Variants in CSTPP1 observed in about 807,000 individuals in gnomAD.
CSTPP1 encodes centriolar satellite-associated tubulin polyglutamylase complex regulator 1.
the CSTPP1 span, among the ~76,000 whole-genome samples, chr11:47,118,535 T>A: frequency 6.6e-6 from 1 of 152,210 alleles, no homozygotes; most frequent in Non-Finnish European, 1.5e-5. Flanking sequence ...AGAGGTGCTC[T>A]GATTTTTAGA....
the CSTPP1 span, among the ~76,000 whole-genome samples, chr11:46,992,164 A>G: frequency 6.7e-6 from 1 of 149,980 alleles, no homozygotes; most frequent in Non-Finnish European, 1.5e-5. Context: ...AATACTATCT[A>G]CTCTTCTAGA....
the CSTPP1 span, among the ~76,000 whole-genome samples, chr11:47,126,124 T>G: frequency 6.6e-6 from 1 of 152,342 alleles, no homozygotes; most frequent in East Asian, 1.9e-4. Flanking sequence ...AGGCTTATAA[T>G]GGCTTTAACT....
At chr11:47,041,166 C>A in the CSTPP1 span, 2 of 213,320 alleles carry the variant, frequency 9.4e-6, no homozygotes, top group Non-Finnish European at 2.0e-5. Context: ...GGTTCAGATA[C>A]TTGGCCTGGA....
the CSTPP1 span, among the ~76,000 whole-genome samples, chr11:47,048,694 T>G: frequency 6.6e-6 from 1 of 152,126 alleles, no homozygotes; most frequent in African/African-American, 2.4e-5. Flanking sequence ...GGGGGTGTTG[T>G]TGTTTAATTG....
chr11:47,042,264 G>C, the CSTPP1 span, among the ~76,000 whole-genome samples: 1 of 150,518 alleles, frequency 6.6e-6, no homozygotes, highest in South Asian at 2.1e-4. Flanking sequence ...ATGGAAGAAA[G>C]ATTTCATTAT....
the CSTPP1 span, among the ~76,000 whole-genome samples, chr11:47,119,433 T>C: frequency 6.6e-6 from 1 of 152,112 alleles, no homozygotes; most frequent in Non-Finnish European, 1.5e-5. Context: ...CGCCCCACCC[T>C]GCTTCAGCTC....
At chr11:47,160,815 A>AGG in the CSTPP1 span, 1 of 401,590 alleles carries the variant, frequency 2.5e-6, no homozygotes. Flanking sequence ...TGAGGCCTCA[A>AGG]GAAGGAACTC....
the CSTPP1 span, among the ~76,000 whole-genome samples, chr11:47,143,869 G>C: frequency 5.3e-5 from 8 of 152,198 alleles, no homozygotes; most frequent in Non-Finnish European, 7.3e-5. Context: ...TAGTTGTAAT[G>C]ATTGAAGGAG....
the CSTPP1 span, among the ~76,000 whole-genome samples, chr11:47,035,430 C>T: frequency 6.6e-6 from 1 of 152,198 alleles, no homozygotes. Flanking sequence ...ACACAATTTA[C>T]TGGAGAAATG....
the CSTPP1 span, among the ~76,000 whole-genome samples, chr11:47,027,478 A>G: frequency 2.0e-5 from 3 of 152,190 alleles, no homozygotes; most frequent in Non-Finnish European, 2.9e-5. Context: ...AGCAGCCCCC[A>G]GGGTAGGACC....
At chr11:47,132,908 C>A in the CSTPP1 span, among the ~76,000 whole-genome samples, 1 of 152,312 alleles carries the variant, frequency 6.6e-6, no homozygotes, top group East Asian at 1.9e-4. Flanking sequence ...AATGATTACA[C>A]CTCACTGAGC....
the CSTPP1 span, among the ~76,000 whole-genome samples, chr11:46,983,762 A>T: frequency 6.6e-6 from 1 of 152,200 alleles, no homozygotes; most frequent in South Asian, 2.1e-4. Flanking sequence ...ACCCTTAACC[A>T]CAGAGGGAGC....
the CSTPP1 span, chr11:47,161,929 A>C: frequency 8.5e-7 from 1 of 1,173,344 alleles, no homozygotes; most frequent in South Asian, 2.4e-5. Flanking sequence ...TAGTCCTCCT[A>C]ACCTCTTAAG....
chr11:47,164,323 C>T, the CSTPP1 span: 2 of 1,453,136 alleles, frequency 1.4e-6, no homozygotes, highest in Non-Finnish European at 9.2e-7. Flanking sequence ...AACAGGGAGC[C>T]AGGCCCTGCA....
chr11:46,965,094 TG>T, the CSTPP1 span, among the ~76,000 whole-genome samples: 1 of 152,146 alleles, frequency 6.6e-6, no homozygotes, highest in African/African-American at 2.4e-5. Flanking sequence ...ATCAGTTCTA[TG>T]GGACAAGTGG....
At chr11:47,118,900 G>A in the CSTPP1 span, among the ~76,000 whole-genome samples, 35 of 152,336 alleles carry the variant, frequency 2.3e-4, no homozygotes, top group South Asian at 7.0e-3. Flanking sequence ...TCCCAATTAG[G>A]CTTCATGGGA....
the CSTPP1 span, among the ~76,000 whole-genome samples, chr11:47,058,693 T>C: frequency 2.0e-5 from 3 of 152,354 alleles, no homozygotes; most frequent in East Asian, 5.8e-4. Flanking sequence ...GTAGATGCTA[T>C]TATTTCCTTT....
chr11:47,144,483 C>T, the CSTPP1 span, among the ~76,000 whole-genome samples: 1 of 152,122 alleles, frequency 6.6e-6, no homozygotes, highest in Admixed American at 6.5e-5. Context: ...AGCCACCACG[C>T]CTGGCCAGTA....
chr11:47,077,245 G>A, the CSTPP1 span, among the ~76,000 whole-genome samples: 8 of 149,684 alleles, frequency 5.3e-5, no homozygotes, highest in South Asian at 1.8e-3. Context: ...TGTCGCCCAG[G>A]CTGGAGTTCA....
Sources: gnomAD v4.1 joint callset for allele counts (sites outside exome capture counted in the v4.1 genomes callset) on GRCh38, gnomAD v4.1.1 for gene constraint, MANE v1.5 for transcripts, NCBI Gene and HGNC (gene_info 2026-07-23, HGNC 2026-07-21) for gene names.